The following GKAP1 variants were observed in gnomAD, a reference collection of about 807,000 sequenced individuals.
GKAP1 encodes the protein G kinase anchoring protein 1, also known as G kinase-anchoring protein 1.
Under a neutral mutation model 56.7 loss-of-function variants are expected in GKAP1, and 31 were observed. The observed-to-expected ratio is 0.55, with a 90% confidence interval of 0.41 to 0.74. The LOEUF (loss-of-function observed/expected upper bound fraction) is 0.74. Ranked by LOEUF, GKAP1 falls within the 30% of genes least tolerant of loss-of-function variation. The probability of loss-of-function intolerance (pLI) is 0.00; values close to 1 mark genes in which losing one functional copy is unlikely to be tolerated. For synonymous variants in GKAP1, 151 were observed against 138.6 expected (o/e 1.09, Z -0.63); for missense variants, 364 against 402.3 (o/e 0.90, Z 0.82).
chr9:83,751,586 G>A (rs1943390063), intron 9 of GKAP1, among the ~76,000 whole-genome samples: 1 of 152,044 alleles, frequency 6.6e-6, no homozygotes, highest in Non-Finnish European at 1.5e-5. Flanking sequence ...GAAGAAGAAG[G>A]GAAATGTAAG....
At chr9:83,758,444 G>C (rs1943512718) in intron 8 of GKAP1, among the ~76,000 whole-genome samples, 1 of 152,022 alleles carries the variant, frequency 6.6e-6, no homozygotes, top group South Asian at 2.1e-4. Context: ...ATTCAAAAAT[G>C]AAACTAGGCT....
chr9:83,746,799 T>C (rs1339894112), intron 10 of GKAP1, among the ~76,000 whole-genome samples: 3 of 152,248 alleles, frequency 2.0e-5, no homozygotes, highest in East Asian at 1.9e-4. Flanking sequence ...TACACTGTTA[T>C]TGTTTAGGGA....
At chr9:83,809,859 T>G (rs295286) in intron 2 of GKAP1, among the ~76,000 whole-genome samples, 68,884 of 152,062 alleles carry the variant, frequency 0.45, 16,525 homozygotes, top group African/African-American at 0.61. Context: ...CCAGGCTGGA[T>G]TGCAGTAACA....
chr9:83,792,960 A>T (rs757824744), intron 4 of GKAP1: 1 of 1,251,908 alleles, frequency 8.0e-7, no homozygotes. Flanking sequence ...CATGTGTCCA[A>T]GATGGAGTAC....
At chr9:83,779,903 T>C (rs1464515670) in intron 7 of GKAP1, among the ~76,000 whole-genome samples, 1 of 151,828 alleles carries the variant, frequency 6.6e-6, no homozygotes, top group Non-Finnish European at 1.5e-5. Flanking sequence ...CCAGGAAGTG[T>C]AGGCTACACT....
intron 10 of GKAP1, among the ~76,000 whole-genome samples, chr9:83,744,898 A>T (rs1587686321): frequency 6.6e-6 from 1 of 152,206 alleles, no homozygotes; most frequent in Non-Finnish European, 1.5e-5. Context: ...GAAGCCTCTT[A>T]TAACACCATC....
chr9:83,794,291 A>C (rs1013291663), intron 4 of GKAP1, among the ~76,000 whole-genome samples: 33 of 152,234 alleles, frequency 2.2e-4, no homozygotes, highest in Admixed American at 6.5e-5. Flanking sequence ...TCTTTCCAGA[A>C]CAACTACTAA....
At chr9:83,804,286 T>C (rs1433756091) in intron 3 of GKAP1, among the ~76,000 whole-genome samples, 146 of 88,860 alleles carry the variant, frequency 1.6e-3, no homozygotes, top group South Asian at 4.0e-3. Context: ...CCGCCCCATC[T>C]GGGAGGGAGG....
intron 4 of GKAP1, among the ~76,000 whole-genome samples, chr9:83,794,258 C>G (rs1944208228): frequency 6.6e-6 from 1 of 152,180 alleles, no homozygotes; most frequent in Non-Finnish European, 1.5e-5. Context: ...CACTTTCAAA[C>G]AAAGCCAAGG....
intron 7 of GKAP1, among the ~76,000 whole-genome samples, chr9:83,775,374 C>T (rs1485080624): frequency 3.3e-5 from 5 of 152,008 alleles, no homozygotes; most frequent in African/African-American, 1.2e-4. Flanking sequence ...AGTCCTGGTT[C>T]CTTTTACTGG....
chr9:83,770,033 T>C (rs1943730824), intron 7 of GKAP1, among the ~76,000 whole-genome samples: 1 of 152,222 alleles, frequency 6.6e-6, no homozygotes, highest in Admixed American at 6.5e-5. Context: ...TCAGATCCTT[T>C]GCCCATTTTT....
chr9:83,739,985 A>G (rs1001740805), intron 12 of GKAP1, among the ~76,000 whole-genome samples: 1 of 152,160 alleles, frequency 6.6e-6, no homozygotes, highest in African/African-American at 2.4e-5. Context: ...TTGCCTTAGT[A>G]AGCTCACCGA....
intron 7 of GKAP1, among the ~76,000 whole-genome samples, chr9:83,779,673 T>C (rs1412211981): frequency 6.7e-6 from 1 of 148,346 alleles, no homozygotes; most frequent in Admixed American, 6.7e-5. Context: ...CATCTGACCA[T>C]AAAAAATTAA....
chr9:83,816,810 G>C (rs1359775934), intron 2 of GKAP1, among the ~76,000 whole-genome samples, 186 bp downstream of exon 2: 1 of 152,142 alleles, frequency 6.6e-6, no homozygotes, highest in Non-Finnish European at 1.5e-5. Flanking sequence ...GAAGAGAAAA[G>C]GCAATCAGCC....
chr9:83,796,267 T>C (rs897094436), intron 4 of GKAP1, among the ~76,000 whole-genome samples: 1 of 151,992 alleles, frequency 6.6e-6, no homozygotes, highest in African/African-American at 2.4e-5. Context: ...GTCTCTTCTA[T>C]TTGTTTCAGG....
chr9:83,789,774 T>TG (rs35328248), intron 4 of GKAP1, among the ~76,000 whole-genome samples: 85,625 of 151,870 alleles, frequency 0.56, 24,741 homozygotes, highest in Admixed American at 0.7. Context: ...GAAAAGCAGG[T>TG]GGGTTTAATT....
At chr9:83,741,540 T>A (rs1285387419) in intron 12 of GKAP1, among the ~76,000 whole-genome samples, 1 of 152,066 alleles carries the variant, frequency 6.6e-6, no homozygotes, top group African/African-American at 2.4e-5. Context: ...AGCCACTAGA[T>A]GAAAAGGGTA....
intron 4 of GKAP1, among the ~76,000 whole-genome samples, chr9:83,796,836 T>C (rs1267952788): frequency 6.6e-6 from 1 of 152,214 alleles, no homozygotes; most frequent in Non-Finnish European, 1.5e-5. Context: ...TAGTGCATTA[T>C]TTTATCTTAC....
At chr9:83,792,943 ATACT>A (rs1024543755) in intron 4 of GKAP1, 161 of 1,136,154 alleles carry the variant, frequency 1.4e-4, no homozygotes, top group Non-Finnish European at 1.6e-4. Flanking sequence ...ATTCAAGAAG[ATACT>A]TACATGTGTC....
Sources: gnomAD v4.1 joint callset for allele counts (sites outside exome capture counted in the v4.1 genomes callset) on GRCh38, gnomAD v4.1.1 for gene constraint, MANE v1.5 for transcripts, NCBI Gene and HGNC (gene_info 2026-07-23, HGNC 2026-07-21) for gene names.